CADPS2: variants seen among roughly 807,000 people sequenced by gnomAD.
CADPS2 encodes calcium dependent secretion activator 2, also known as calcium-dependent secretion activator 2.
CADPS2 carries 93 observed loss-of-function variants against 172.5 expected under a neutral mutation model. The observed-to-expected ratio is 0.54, with a 90% confidence interval of 0.46 to 0.64. The LOEUF is 0.64. CADPS2 is among the 30% of genes least tolerant of loss of function. The pLI is 0.00. For synonymous variants in CADPS2, 546 were observed against 555.2 expected (o/e 0.98, Z 0.23); for missense variants, 1,420 against 1,565.9 (o/e 0.91, Z 1.57).
At chr7:122,550,382 C>T (rs1402152547) in intron 8 of CADPS2, among the ~76,000 whole-genome samples, 1 of 152,098 alleles carries the variant, frequency 6.6e-6, no homozygotes, top group Non-Finnish European at 1.5e-5. Flanking sequence ...AGTAGTTTTG[C>T]TAAAATTTTA....
chr7:122,660,351 G>A (rs2080386310), intron 3 of CADPS2, among the ~76,000 whole-genome samples: 1 of 151,942 alleles, frequency 6.6e-6, no homozygotes, highest in African/African-American at 2.4e-5. Context: ...TAAACTCTAG[G>A]AGAATCACCA....
chr7:122,321,331 T>C (rs951789300), intron 29 of CADPS2, among the ~76,000 whole-genome samples: 1 of 152,146 alleles, frequency 6.6e-6, no homozygotes, highest in African/African-American at 2.4e-5. Context: ...TGCGCTCGGC[T>C]AACTTTTAAA....
At chr7:122,741,255 C>T (rs2137985046) in intron 1 of CADPS2, among the ~76,000 whole-genome samples, 1 of 152,200 alleles carries the variant, frequency 6.6e-6, no homozygotes, top group East Asian at 1.9e-4. Flanking sequence ...TCACCACTCA[C>T]ATAGAAAATG....
chr7:122,625,342 A>G (rs2075987048), intron 4 of CADPS2, among the ~76,000 whole-genome samples: 1 of 152,174 alleles, frequency 6.6e-6, no homozygotes, highest in African/African-American at 2.4e-5. Context: ...GAGCCACCGC[A>G]TCTAGCCCAA....
intron 7 of CADPS2, among the ~76,000 whole-genome samples, chr7:122,569,044 G>A (rs2066842263): frequency 3.9e-5 from 6 of 152,210 alleles, no homozygotes; most frequent in Admixed American, 3.3e-4. Flanking sequence ...AATTAGGCAG[G>A]AGAAAGAAAG....
At chr7:122,698,649 G>C in intron 2 of CADPS2, 2 of 1,613,982 alleles carry the variant, frequency 1.2e-6, no homozygotes, top group South Asian at 2.2e-5. Flanking sequence ...GGCTGAAAAT[G>C]GTATTGGGAT....
chr7:122,812,023 A>ATT (rs550809014), intron 1 of CADPS2, among the ~76,000 whole-genome samples: 1 of 145,830 alleles, frequency 6.9e-6, no homozygotes, highest in Admixed American at 6.9e-5. Flanking sequence ...GAATTCACCT[A>ATT]TTTTTTTTTT....
chr7:122,815,152 A>G (rs1353207261), intron 1 of CADPS2, among the ~76,000 whole-genome samples: 7 of 152,148 alleles, frequency 4.6e-5, no homozygotes, highest in Admixed American at 3.9e-4. Flanking sequence ...TACAATAAAG[A>G]AAGTGGTTTG....
chr7:122,631,453 C>T (rs2076567206), intron 3 of CADPS2, among the ~76,000 whole-genome samples: 1 of 151,854 alleles, frequency 6.6e-6, no homozygotes, highest in Non-Finnish European at 1.5e-5. Flanking sequence ...CATATTTTTT[C>T]TTTTTGTGGA....
At chr7:122,397,906 C>T (rs188268745) in intron 20 of CADPS2, among the ~76,000 whole-genome samples, 15 of 152,202 alleles carry the variant, frequency 9.9e-5, no homozygotes, top group African/African-American at 1.2e-4. Flanking sequence ...AAGTGATTAC[C>T]GCCTGAGGGG....
chr7:122,551,712 T>C (rs544309937), intron 8 of CADPS2, among the ~76,000 whole-genome samples: 8 of 152,108 alleles, frequency 5.3e-5, no homozygotes, highest in Non-Finnish European at 8.8e-5. Context: ...TAAAGATAAA[T>C]TAATATTTTT....
intron 9 of CADPS2, among the ~76,000 whole-genome samples, chr7:122,510,841 C>T (rs2059956738): frequency 6.6e-6 from 1 of 152,104 alleles, no homozygotes; most frequent in African/African-American, 2.4e-5. Context: ...ACATATCCAT[C>T]TTGATTTTGA....
chr7:122,822,415 G>A (rs939326229), intron 1 of CADPS2, among the ~76,000 whole-genome samples: 10 of 151,524 alleles, frequency 6.6e-5, no homozygotes, highest in African/African-American at 1.2e-4. Flanking sequence ...TTCCCACACC[G>A]CCCCTAATCC....
intron 8 of CADPS2, among the ~76,000 whole-genome samples, chr7:122,517,214 A>G (rs888625739): frequency 5.3e-5 from 8 of 152,166 alleles, no homozygotes; most frequent in Non-Finnish European, 8.8e-5. Context: ...ATATTGCTGT[A>G]CGTAGTTAAT....
chr7:122,833,444 G>A lies in CADPS2; in HGVS notation c.339+52555C>T, dbSNP rs116132137. Among the ~76,000 whole-genome samples, 921 of 152,128 alleles carry A rather than the reference G, an allele frequency of 6.1e-3. 8 individuals are homozygous for A. Among genetic ancestry groups the A allele is most frequent in the African/African-American group, 0.021 (865 of 41,508 alleles). On this transcript the variant is annotated intron_variant, in intron 1 of 29. Transcript: ENST00000449022. ...CAGCTCACTGCAACCTTTGCCTCCC[G>A]GGTTCGAGCAATTCTCTTGCCTCAG...
chr7:122,412,870 G>C (rs140564667), intron 19 of CADPS2: 89 of 152,348 alleles, frequency 5.8e-4, no homozygotes, highest in African/African-American at 2.0e-3. Context: ...AATGGAAAGG[G>C]ACATCACCAG....
chr7:122,556,163 G>C (rs1231458898), intron 7 of CADPS2, among the ~76,000 whole-genome samples: 3 of 151,960 alleles, frequency 2.0e-5, no homozygotes, highest in African/African-American at 7.2e-5. Context: ...AATTCATTTT[G>C]ACTGCTAAAA....
intron 23 of CADPS2, among the ~76,000 whole-genome samples, chr7:122,388,182 C>T (rs1339462484): frequency 6.6e-6 from 1 of 151,986 alleles, no homozygotes; most frequent in African/African-American, 2.4e-5. Context: ...GGTGCTGATC[C>T]TATTTTGAGT....
intron 2 of CADPS2, among the ~76,000 whole-genome samples, chr7:122,680,294 A>T (rs376144676): frequency 1.3e-5 from 2 of 152,252 alleles, no homozygotes; most frequent in African/African-American, 4.8e-5. Context: ...TATCTAAAAA[A>T]TAAATTTTGT....
Sources: gnomAD v4.1 joint callset for allele counts (sites outside exome capture counted in the v4.1 genomes callset) on GRCh38, gnomAD v4.1.1 for gene constraint, MANE v1.5 for transcripts, NCBI Gene and HGNC (gene_info 2026-07-23, HGNC 2026-07-21) for gene names.